The following ABCC9 variants were observed in gnomAD, a reference collection of about 807,000 sequenced individuals.
ABCC9 encodes ATP binding cassette subfamily C member 9.
A neutral mutation model predicts 188.3 loss-of-function variants in ABCC9; 95 were observed. The ratio of observed to expected loss-of-function variants is 0.50; its 90% CI spans 0.43 to 0.60. ABCC9 has a LOEUF of 0.60. Ranked by LOEUF, ABCC9 falls within the 20% of genes least tolerant of loss-of-function variation. The probability of loss-of-function intolerance (pLI) is 0.00; values close to 1 mark genes in which losing one functional copy is unlikely to be tolerated. For synonymous variants in ABCC9, 659 were observed against 652.7 expected (o/e 1.01, Z -0.15); for missense variants, 1,102 against 1,876.3 (o/e 0.59, Z 7.62).
chr12:21,816,144 T>C (rs1244434483), intron 33 of ABCC9, among the ~76,000 whole-genome samples: 1 of 149,480 alleles, frequency 6.7e-6, no homozygotes, highest in East Asian at 2.0e-4. Context: ...TTTTTTCGTG[T>C]TTGTTTTTGG....
rs138545822 is a variant in ABCC9 at position 21,911,319 on chromosome 12, T to G, written c.1012-341A>C. On this transcript the variant is annotated intron_variant, in intron 8 of 39. Transcript: ENST00000261200. ...AATTTGGAAGTAGAAGCTATAAAAT[T>G]GATAGTTGGCCAGCAAGACCAATGG... Among the ~76,000 whole-genome samples the G allele has an allele frequency of 1.6e-4, 25 of 152,068 alleles. No individual in the cohort carries two copies. In the East Asian group the frequency reaches 4.8e-3, roughly 29 times the overall value.
chr12:21,835,763 A>G (rs1260875280), intron 30 of ABCC9, among the ~76,000 whole-genome samples: 1 of 152,194 alleles, frequency 6.6e-6, no homozygotes, highest in Non-Finnish European at 1.5e-5. Context: ...TTTAACTAGT[A>G]TCCATAAAAG....
At chr12:21,812,322 C>T (rs1311000701) in intron 35 of ABCC9, among the ~76,000 whole-genome samples, 165 bp from the exon 36 acceptor site, 1 of 152,068 alleles carries the variant, frequency 6.6e-6, no homozygotes, top group African/African-American at 2.4e-5. Context: ...CTAGAAACAC[C>T]GTTTGACTCA....
rs1941239457 is a variant in ABCC9 at position 21,798,085 on chromosome 12, T to G, written c.*2959A>C. The G allele has an allele frequency of 6.6e-6, 1 of 152,194 alleles. No homozygotes were observed. The highest frequency in any genetic ancestry group is 2.4e-5 in the African/African-American group (1 of 41,464). 9.4% of individuals were successfully genotyped at this position (152,194 alleles called of 1,614,324 possible). ...TTAGTCAATTTAGTTTGTAAACAATTAGACATTTACTCAACTTAAGTAACT... is the reference window on the plus strand; with the variant it reads ...TTAGTCAATTTAGTTTGTAAACAATGAGACATTTACTCAACTTAAGTAACT... On this transcript the variant is annotated 3_prime_UTR_variant, in exon 40 of 40. Transcript: ENST00000261200.
At chr12:21,845,321 A>G (rs1380054348) in intron 26 of ABCC9, among the ~76,000 whole-genome samples, 1 of 151,868 alleles carries the variant, frequency 6.6e-6, no homozygotes, top group African/African-American at 2.4e-5. Flanking sequence ...GTATATATGT[A>G]TAACATATAT....
Position 21,842,367 on chromosome 12 carries a change from C to T in ABCC9, c.3420G>A (p.Leu1140=), listed in dbSNP as rs1944436441. 6.2e-7 allele frequency: 1 copy of T among 1,614,078 alleles called. No individual in the cohort carries two copies. Among genetic ancestry groups the T allele is most frequent in the Non-Finnish European group, 8.5e-7 (1 of 1,180,002 alleles). Residue 1140 remains leucine, a synonymous_variant, in exon 29 of 40, where the codon CTG becomes CTA. Coordinates refer to ENST00000261200, the MANE Select transcript of ABCC9 (RefSeq NM_020297.4). The part of the protein sequence containing the change: ...YATPVFLVAL[L]PLGVAFYFIQ... ...TAAAATAAAAGGCAACACCAAGGGG[C>T]AGGAGAGCAACCAGGAACACAGGAG...
At chr12:21,877,459 G>T (rs915025945) in intron 16 of ABCC9, among the ~76,000 whole-genome samples, 4 of 152,200 alleles carry the variant, frequency 2.6e-5, no homozygotes, top group African/African-American at 9.6e-5. Flanking sequence ...GATGAATAGA[G>T]CTAGCTGGGG....
Position 21,863,365 on chromosome 12 carries a change from T to A in ABCC9, c.2238-311A>T, listed in dbSNP as rs185053765. ...CCTTTTCTAAAATGACTATAATTTTTAAAAAATAATTAAAAGATTATAGCT... is the reference window on the plus strand; with the variant it reads ...CCTTTTCTAAAATGACTATAATTTTAAAAAAATAATTAAAAGATTATAGCT... On this transcript the variant is annotated intron_variant, in intron 19 of 39. Transcript: ENST00000261200. 1.8e-3 allele frequency among the ~76,000 whole-genome samples: 268 copies of A among 152,216 alleles called. 4 individuals are homozygous for A. The South Asian group carries it at 0.035, about 20-fold the overall frequency.
intron 18 of ABCC9, chr12:21,869,551 G>A (rs1945957226): frequency 6.6e-6 from 1 of 152,096 alleles, no homozygotes; most frequent in Admixed American, 6.5e-5. Flanking sequence ...TAACTCCACA[G>A]CATACCCAGA....
chr12:21,908,753 A>T (rs11046232), intron 10 of ABCC9, among the ~76,000 whole-genome samples: 4,296 of 152,042 alleles, frequency 0.028, 78 homozygotes, highest in Middle Eastern at 0.048. Context: ...TCACTTACTG[A>T]CAAGAAGGCT....
At chr12:21,938,384 A>G (rs11615310) in intron 2 of ABCC9, among the ~76,000 whole-genome samples, 4,496 of 152,256 alleles carry the variant, frequency 0.03, 74 homozygotes, top group Middle Eastern at 0.073. Flanking sequence ...CTATTAAGGT[A>G]TTAATCTGGA....
In ABCC9 at chr12:21,870,261, G is replaced by GT. The variant is rs893308840; in HGVS notation, c.2198+2363dup. On this transcript the variant is annotated intron_variant, in intron 18 of 39. Transcript: ENST00000261200. ...ATGGAAGATATTTCTTTAGTTTTTT[G>GT]TTTTTTTTTTTAAGAGAAATGGTCT... Among the ~76,000 whole-genome samples the GT allele has an allele frequency of 5.7e-3, 826 of 145,762 alleles. 6 individuals are homozygous for GT. Among genetic ancestry groups the GT allele is most frequent in the African/African-American group, 0.019 (757 of 39,830 alleles).
chr12:21,817,398 A>T, intron 32 of ABCC9, 91 bp from the exon 33 acceptor site: 1 of 1,254,762 alleles, frequency 8.0e-7, no homozygotes, highest in Non-Finnish European at 1.1e-6. Flanking sequence ...GATAACTTGG[A>T]CCATTAGTGT....
intron 22 of ABCC9, among the ~76,000 whole-genome samples, chr12:21,857,467 G>C (rs1945283455): frequency 6.6e-6 from 1 of 152,100 alleles, no homozygotes; most frequent in African/African-American, 2.4e-5. Flanking sequence ...AATAAGAGCT[G>C]TCTGTGGTAG....
chr12:21,875,142 T>C (rs1254870436), intron 17 of ABCC9, among the ~76,000 whole-genome samples: 1 of 152,214 alleles, frequency 6.6e-6, no homozygotes, highest in Admixed American at 6.5e-5. Flanking sequence ...ATACCTTTAT[T>C]GTGGTGATGG....
intron 12 of ABCC9, among the ~76,000 whole-genome samples, chr12:21,900,012 C>T (rs1446801070): frequency 6.6e-6 from 1 of 152,212 alleles, no homozygotes; most frequent in Non-Finnish European, 1.5e-5. Context: ...AGACTGCCTC[C>T]TCAAGTGGGT....
At chr12:21,882,983 T>C (rs1946695066) in intron 15 of ABCC9, 110 bp from the exon 16 acceptor site, 2 of 831,968 alleles carry the variant, frequency 2.4e-6, no homozygotes, top group Non-Finnish European at 2.0e-6. Context: ...GAAGTGGATG[T>C]TATATTTTAA....
rs1209168440 is a variant in ABCC9 at position 21,894,023 on chromosome 12, A to G, written c.1802+9T>C. The G allele has an allele frequency of 6.2e-7, 1 of 1,613,906 alleles. No homozygotes were observed. The highest frequency in any genetic ancestry group is 1.7e-5 in the Admixed American group (1 of 59,938). The stretch of plus-strand genomic sequence containing the variant: ...ATAAGCAAAAAATGCCAGACACTTC[A>G]GTGCATACCTTATGATGGCTTTGAC... On this transcript the variant is annotated intron_variant, in intron 14 of 39. Coordinates refer to ENST00000261200, the MANE Select transcript of ABCC9 (RefSeq NM_020297.4).
intron 12 of ABCC9, among the ~76,000 whole-genome samples, chr12:21,901,222 A>G (rs1947732766): frequency 1.3e-5 from 2 of 152,214 alleles, no homozygotes; most frequent in African/African-American, 2.4e-5. Flanking sequence ...TAAGTGAAGG[A>G]GAAATAAAAT....
Sources: gnomAD v4.1 joint callset for allele counts (sites outside exome capture counted in the v4.1 genomes callset) on GRCh38, gnomAD v4.1.1 for gene constraint, MANE v1.5 for transcripts, NCBI Gene and HGNC (gene_info 2026-07-23, HGNC 2026-07-21) for gene names.